Variants in DENND1B observed in about 807,000 individuals in gnomAD.
The protein encoded by DENND1B is DENN domain containing 1B.
DENND1B carries 59 observed loss-of-function variants against 90.1 expected under a neutral mutation model. The observed-to-expected ratio is 0.65, with a 90% CI of 0.53 to 0.81. The LOEUF (loss-of-function observed/expected upper bound fraction) is 0.81, where lower values mean the gene tolerates loss of function less well. Among genes scored for constraint, DENND1B ranks in the 40% least tolerant of loss-of-function variants. DENND1B has a pLI of 0.00. For missense variants in DENND1B, 862 were observed against 912.6 expected (o/e 0.94, Z 0.71); for synonymous variants, 337 against 324.6 (o/e 1.04, Z -0.41).
chr1:197,617,884 G>A, intron 10 of DENND1B, 125 bp from the exon 11 acceptor site: 1 of 677,770 alleles, frequency 1.5e-6, no homozygotes, highest in Non-Finnish European at 2.6e-6. Flanking sequence ...AAATCACATT[G>A]TCTTTATCAC....
intron 11 of DENND1B, among the ~76,000 whole-genome samples, chr1:197,617,308 A>G (rs1041525406): frequency 1.3e-5 from 2 of 151,136 alleles, no homozygotes; most frequent in Non-Finnish European, 3.0e-5. Context: ...GATTTGCCAG[A>G]CAAATTCTGA....
intron 6 of DENND1B, among the ~76,000 whole-genome samples, chr1:197,657,203 G>A (rs1465449039): frequency 6.6e-6 from 1 of 152,006 alleles, no homozygotes; most frequent in Admixed American, 6.6e-5. Flanking sequence ...AATATATGAA[G>A]GACTCTTACG....
At position 197,510,631 on chromosome 1, in the gene DENND1B, A is replaced by C. The variant is rs1346600697; in HGVS notation, c.2157T>G (p.Leu719=). Residue 719 remains leucine, a synonymous_variant, in exon 23 of 23, where the codon CTT becomes CTG. Coordinates refer to ENST00000620048, the MANE Select transcript of DENND1B (RefSeq NM_001195215.2). ...QISDDLLIPG[L]GRHSSTFVPW... is the part of the protein sequence containing the mutation. ...GAACAAAAGTCGATGAATGCCGCCC[A>C]AGACCGGGTATAAGCAGATCATCTG... 1.9e-6 allele frequency: 3 copies of C among 1,612,850 alleles called. No individual in the cohort carries two copies. The highest frequency in any genetic ancestry group is 2.5e-6 in the Non-Finnish European group (3 of 1,179,242).
At position 197,646,765 on chromosome 1, in the gene DENND1B, T is replaced by C. The variant is rs183399579; in HGVS notation, c.507+290A>G. On this transcript the variant is annotated intron_variant, in intron 8 of 22. Coordinates refer to ENST00000620048, the MANE Select transcript of DENND1B (RefSeq NM_001195215.2). ...AAAAAATGTGACAAATCTTGTGCTG[T>C]GAATATACTTTAAAATTACTACTAC... Among the ~76,000 whole-genome samples the C allele has an allele frequency of 8.4e-3, 1,277 of 152,114 alleles. 19 individuals are homozygous for C. Among genetic ancestry groups the C allele is most frequent in the African/African-American group, 0.028 (1,174 of 41,524 alleles).
intron 5 of DENND1B, among the ~76,000 whole-genome samples, chr1:197,664,573 A>T (rs911479037): frequency 6.6e-6 from 1 of 152,116 alleles, no homozygotes; most frequent in Non-Finnish European, 1.5e-5. Flanking sequence ...AGAGCTGATA[A>T]AACTTTTACA....
intron 2 of DENND1B, among the ~76,000 whole-genome samples, chr1:197,732,908 T>C (rs1171550674): frequency 6.6e-6 from 1 of 152,214 alleles, no homozygotes; most frequent in African/African-American, 2.4e-5. Flanking sequence ...CAAGGAGTTG[T>C]ATAATAACAC....
chr1:197,719,484 T>C (rs1439942465), intron 2 of DENND1B, among the ~76,000 whole-genome samples: 1 of 152,084 alleles, frequency 6.6e-6, no homozygotes, highest in Non-Finnish European at 1.5e-5. Flanking sequence ...AGTGCAAAAA[T>C]ATGAGTTTTG....
intron 8 of DENND1B, 119 bp from the exon 9 acceptor site, chr1:197,645,862 T>C (rs1238152472): frequency 1.0e-5 from 6 of 579,418 alleles, no homozygotes; most frequent in Non-Finnish European, 1.7e-5. Context: ...GGACTGACAT[T>C]CAGGATTTGT....
intron 6 of DENND1B, among the ~76,000 whole-genome samples, chr1:197,658,065 T>C (rs1225699772): frequency 6.6e-6 from 1 of 152,114 alleles, no homozygotes; most frequent in East Asian, 1.9e-4. Flanking sequence ...ATACAGATGA[T>C]ACAATGGTGG....
At chr1:197,743,086 G>A (rs959732615) in intron 2 of DENND1B, among the ~76,000 whole-genome samples, 1 of 152,134 alleles carries the variant, frequency 6.6e-6, no homozygotes, top group South Asian at 2.1e-4. Context: ...TTTCCAGGAT[G>A]ACTGACTGAC....
In DENND1B at chr1:197,562,007, T is replaced by G. The variant is rs968707042; in HGVS notation, c.1150-8895A>C. 1.4e-4 allele frequency among the ~76,000 whole-genome samples: 21 copies of G among 151,854 alleles called. No individual in the cohort carries two copies. In the Admixed American group the frequency reaches 1.4e-3, roughly 10 times the overall value. On this transcript the variant is annotated intron_variant, in intron 15 of 22. Coordinates refer to ENST00000620048, the MANE Select transcript of DENND1B (RefSeq NM_001195215.2). ...TTTTGGCCACCCCACAGGATACCGC[T>G]GAAGTGACACATATTCCAGGAAATC...
At chr1:197,692,598 T>C (rs1658017597) in intron 3 of DENND1B, among the ~76,000 whole-genome samples, 1 of 151,850 alleles carries the variant, frequency 6.6e-6, no homozygotes, top group African/African-American at 2.4e-5. Flanking sequence ...CCATATCCTA[T>C]AAATAATAAC....
At chr1:197,574,183 T>A (rs2125743729) in intron 15 of DENND1B, among the ~76,000 whole-genome samples, 1 of 152,304 alleles carries the variant, frequency 6.6e-6, no homozygotes, top group East Asian at 1.9e-4. Flanking sequence ...ATTGTCTATT[T>A]AGAAAACCCC....
intron 9 of DENND1B, among the ~76,000 whole-genome samples, chr1:197,644,620 T>C (rs972152016): frequency 6.8e-6 from 1 of 146,820 alleles, no homozygotes; most frequent in Non-Finnish European, 1.5e-5. Flanking sequence ...TAGGATCCAT[T>C]ATGTCACCTG....
intron 10 of DENND1B, among the ~76,000 whole-genome samples, chr1:197,623,359 A>G (rs1024842092): frequency 6.6e-6 from 1 of 151,468 alleles, no homozygotes; most frequent in Non-Finnish European, 1.5e-5. Flanking sequence ...TGGAAACCAT[A>G]AAGAAAAAAA....
rs1443950005 is a variant in DENND1B at position 197,509,842 on chromosome 1, A to G, written c.*618T>C. On this transcript the variant is annotated 3_prime_UTR_variant, in exon 23 of 23. Transcript: ENST00000620048. ...TTTATACTTTTTGGAAAACATGGCT[A>G]TAGTGCTTTATATAAGCAAATTAAA... is the stretch of plus-strand genomic sequence containing the variant. 6.6e-6 allele frequency: 1 copy of G among 152,198 alleles called. No individual in the cohort carries two copies. The highest frequency in any genetic ancestry group is 1.9e-4 in the East Asian group (1 of 5,146). The allele number at this position is 152,198 out of a possible 1,614,324, so 9.4% of individuals were successfully genotyped here. A position where few individuals can be genotyped will look rare whatever the true frequency, so the allele number is the denominator to read the frequency against.
chr1:197,583,324 G>T (rs908209141), intron 14 of DENND1B, 71 bp from the exon 15 acceptor site: 74 of 1,399,490 alleles, frequency 5.3e-5, no homozygotes, highest in Non-Finnish European at 6.5e-5. Context: ...CTTTAAATAG[G>T]TATGTGAAGA....
chr1:197,514,824 T>C (rs1047734796), intron 20 of DENND1B, among the ~76,000 whole-genome samples: 4 of 151,684 alleles, frequency 2.6e-5, no homozygotes, highest in Non-Finnish European at 5.9e-5. Flanking sequence ...TTTCCTGTTT[T>C]TGGCACAATA....
At chr1:197,621,611 G>A (rs1312540043) in intron 10 of DENND1B, among the ~76,000 whole-genome samples, 1 of 151,010 alleles carries the variant, frequency 6.6e-6, no homozygotes, top group African/African-American at 2.4e-5. Flanking sequence ...GTCTTTCTTT[G>A]GGCTAGAATT....
Sources: allele counts gnomAD v4.1 joint callset (sites outside exome capture counted in the v4.1 genomes callset), GRCh38; gene constraint gnomAD v4.1.1; transcripts MANE v1.5; gene names NCBI Gene and HGNC (gene_info 2026-07-23, HGNC 2026-07-21).